The following PRKN variants were observed in gnomAD, a reference collection of about 807,000 sequenced individuals.
PRKN encodes the protein E3 ubiquitin-protein ligase parkin.
PRKN carries 56 observed loss-of-function variants against 59.5 expected under a neutral mutation model. The ratio of observed to expected loss-of-function variants is 0.94; its 90% CI spans 0.76 to 1.18. The LOEUF (loss-of-function observed/expected upper bound fraction) is 1.18. Among genes scored for constraint, PRKN ranks in the 50% most tolerant of loss-of-function variants. The pLI is 0.00. For missense variants in PRKN, 657 were observed against 596.4 expected (o/e 1.10, Z -1.06); for synonymous variants, 250 against 222.1 (o/e 1.13, Z -1.12).
At position 161,548,228 on chromosome 6, in the gene PRKN, T is replaced by A. The variant is rs1450676855; in HGVS notation, c.1083+626A>T. 6.6e-6 allele frequency among the ~76,000 whole-genome samples: 1 copy of A among 152,234 alleles called. No individual in the cohort carries two copies. Among genetic ancestry groups the A allele is most frequent in the Non-Finnish European group, 1.5e-5 (1 of 68,046 alleles). On this transcript the variant is annotated intron_variant, in intron 9 of 11. Transcript: ENST00000366898. This position sits in a 1 kb window ranked among gnomAD's most constrained non-coding sequence, Gnocchi z 4.2. ...CCTTTTTGTGTTTGAGTTATGCTTC[T>A]TCCCCCCTTGAGCCATCAGCTTGCA...
chr6:161,748,982 G>A lies in PRKN; in HGVS notation c.871+36790C>T, dbSNP rs1010912360. Among the ~76,000 whole-genome samples the A allele has an allele frequency of 2.6e-5, 4 of 152,186 alleles. 1 individual carries two copies. In the East Asian group the frequency reaches 5.8e-4, roughly 22 times the overall value. ...GCGAAACAAAACAAACCAACCCGCC[G>A]CCAGGGGGCAGCTGGGAAACATTTC... is the stretch of plus-strand genomic sequence containing the variant. On this transcript the variant is annotated intron_variant, in intron 7 of 11. Transcript: ENST00000366898.
chr6:162,074,223 A>G (rs985859681), intron 4 of PRKN, among the ~76,000 whole-genome samples: 43 of 135,734 alleles, frequency 3.2e-4, no homozygotes, highest in African/African-American at 1.2e-3. Context: ...AAAGACTTGG[A>G]ACCAACCCAA....
intron 2 of PRKN, among the ~76,000 whole-genome samples, chr6:162,337,729 C>T (rs1701544715): frequency 6.6e-6 from 1 of 152,012 alleles, no homozygotes; most frequent in African/African-American, 2.4e-5. Flanking sequence ...ATAACAGAAG[C>T]TAATCACTCG....
intron 4 of PRKN, among the ~76,000 whole-genome samples, chr6:162,112,203 T>A (rs1780468294): frequency 6.6e-6 from 1 of 152,174 alleles, no homozygotes; most frequent in South Asian, 2.1e-4. Flanking sequence ...ACATTAAAAA[T>A]CCATTTACAA....
chr6:162,294,412 G>A (rs372470010), intron 2 of PRKN, among the ~76,000 whole-genome samples: 1 of 152,188 alleles, frequency 6.6e-6, no homozygotes, highest in Non-Finnish European at 1.5e-5. Context: ...CAATGTCAAT[G>A]TCAGGCAGAG....
intron 4 of PRKN, among the ~76,000 whole-genome samples, chr6:162,135,807 AT>A (rs1444237159): frequency 2.6e-5 from 4 of 152,172 alleles, no homozygotes; most frequent in Non-Finnish European, 4.4e-5. Flanking sequence ...ATTACTGATC[AT>A]TTCTGATCAC....
At chr6:162,117,496 C>T (rs1490390713) in intron 4 of PRKN, among the ~76,000 whole-genome samples, 1 of 152,204 alleles carries the variant, frequency 6.6e-6, no homozygotes, top group African/African-American at 2.4e-5. Context: ...CAAGCCAAGT[C>T]TCCCTCAGCA....
intron 1 of PRKN, among the ~76,000 whole-genome samples, chr6:162,632,673 AAAAT>A (rs1388096310): frequency 2.0e-5 from 3 of 152,106 alleles, no homozygotes; most frequent in African/African-American, 4.8e-5. Context: ...ATAAATTAAA[AAAAT>A]AAATAAAAAG....
intron 5 of PRKN, among the ~76,000 whole-genome samples, chr6:162,009,944 A>T (rs570315713): frequency 2.0e-5 from 3 of 151,658 alleles, no homozygotes; most frequent in South Asian, 2.1e-4. Flanking sequence ...TCAAAAAAAA[A>T]TAAAGTCTTC....
At chr6:162,024,252 C>T (rs1783332021) in intron 5 of PRKN, among the ~76,000 whole-genome samples, 1 of 118,008 alleles carries the variant, frequency 8.5e-6, no homozygotes, top group Non-Finnish European at 1.6e-5. Context: ...GGCTAGAGTG[C>T]AATAGCACAA....
chr6:161,552,376 T>G lies in PRKN; in HGVS notation c.934-3373A>C, dbSNP rs1240799438. Among the ~76,000 whole-genome samples the G allele has an allele frequency of 6.8e-3, 800 of 118,262 alleles. 65 individuals carry two copies. The highest frequency in any genetic ancestry group is 0.022 in the African/African-American group (716 of 32,706). The allele number at this position is 118,262 out of a possible 152,430, so 77.6% of individuals were successfully genotyped here. The stretch of plus-strand genomic sequence containing the variant: ...CGGTGATCCTCCAAGCCCCTCTCCC[T>G]CAGCTCTGTTCACCTCCACCTATGA... On this transcript the variant is annotated intron_variant, in intron 8 of 11. Transcript: ENST00000366898. The surrounding 1 kb of genome is among the most constrained non-coding windows in gnomAD (Gnocchi z 4.9).
intron 1 of PRKN, among the ~76,000 whole-genome samples, chr6:162,480,429 G>T (rs1023743950): frequency 2.6e-5 from 4 of 152,144 alleles, no homozygotes; most frequent in Non-Finnish European, 5.9e-5. Flanking sequence ...AAATAGGGAG[G>T]AGAGGAAGAA....
chr6:161,462,624 G>GGGT lies in PRKN; in HGVS notation c.1084-75750_1084-75748dup, dbSNP rs1790275391. ...AAGGTCTACTTTGAATGTCTCCCCA[G>GGGT]GGTGATCATATTAAAAAAATCAAAA... On this transcript the variant is annotated intron_variant, in intron 9 of 11. Transcript: ENST00000366898. The surrounding 1 kb of genome is among the most constrained non-coding windows in gnomAD (Gnocchi z 4.5). Among the ~76,000 whole-genome samples the GGGT allele has an allele frequency of 1.3e-5, 2 of 152,054 alleles. No individual in the cohort carries two copies. Among genetic ancestry groups the GGGT allele is most frequent in the South Asian group, 4.1e-4 (2 of 4,826 alleles).
Position 162,403,101 on chromosome 6 carries a change from C to G in PRKN, c.171+40209G>C, listed in dbSNP as rs147503778. On this transcript the variant is annotated intron_variant, in intron 2 of 11. Coordinates refer to ENST00000366898, the MANE Select transcript of PRKN (RefSeq NM_004562.3). ...TATATCTTTTCCGCCTTGCTTTGTT[C>G]TCAACATAACTGGCCAACTTCTTCT... is the stretch of plus-strand genomic sequence containing the variant. 2.6e-5 allele frequency among the ~76,000 whole-genome samples: 4 copies of G among 152,316 alleles called. No individual in the cohort carries two copies. In the East Asian group the frequency reaches 7.7e-4, roughly 29 times the overall value.
intron 6 of PRKN, among the ~76,000 whole-genome samples, chr6:161,872,747 GT>G (rs1794394308): frequency 1.3e-5 from 2 of 152,064 alleles, no homozygotes; most frequent in Non-Finnish European, 1.5e-5. Context: ...CTGTAACGGA[GT>G]AAGAGCACCT....
intron 1 of PRKN, among the ~76,000 whole-genome samples, chr6:162,506,830 C>T (rs982829944): frequency 6.6e-6 from 1 of 152,094 alleles, no homozygotes; most frequent in African/African-American, 2.4e-5. Flanking sequence ...TGCCCTTAAG[C>T]GCATCACAGT....
rs576743460 is a variant in PRKN, at chr6:162,370,968, G to A, written c.171+72342C>T. ...CTTATGAGCCAAATGGGTGTTTTCC[G>A]TACATGGCTTCTTGTCCAGAATGCT... On this transcript the variant is annotated intron_variant, in intron 2 of 11. Transcript: ENST00000366898. Among the ~76,000 whole-genome samples, 6 of 152,264 alleles carry A rather than the reference G, an allele frequency of 3.9e-5. No individual in the cohort carries two copies. The East Asian group carries it at 7.7e-4, about 20-fold the overall frequency.
chr6:161,590,766 T>A lies in PRKN; in HGVS notation c.872-21350A>T, dbSNP rs117557451. 4.9e-3 allele frequency among the ~76,000 whole-genome samples: 727 copies of A among 148,736 alleles called. 6 individuals are homozygous for A. Among genetic ancestry groups the A allele is most frequent in the Middle Eastern group, 0.042 (12 of 288 alleles). On this transcript the variant is annotated intron_variant, in intron 7 of 11. Coordinates refer to ENST00000366898, the MANE Select transcript of PRKN (RefSeq NM_004562.3). The stretch of plus-strand genomic sequence containing the variant: ...AAAAAAAAAAATTGCATAACTTGAG[T>A]CTAAACAGGAGGAAACATTAGACAA...
rs994612379 is a variant in PRKN at position 161,746,551 on chromosome 6, A to AT, written c.871+39220dup. Among the ~76,000 whole-genome samples, 3 of 145,840 alleles carry AT rather than the reference A, an allele frequency of 2.1e-5. No homozygotes were observed. In the Admixed American group the frequency reaches 2.1e-4, roughly 10 times the overall value. ...ATAGTTGGGTAAGGTACATTTATCTATTTTTTTATATATATATATTTATAT... is the reference window on the plus strand; with the variant it reads ...ATAGTTGGGTAAGGTACATTTATCTATTTTTTTTATATATATATATTTATAT... On this transcript the variant is annotated intron_variant, in intron 7 of 11. Coordinates refer to ENST00000366898, the MANE Select transcript of PRKN (RefSeq NM_004562.3).
Sources: gnomAD v4.1 joint callset for allele counts (sites outside exome capture counted in the v4.1 genomes callset) on GRCh38, gnomAD v4.1.1 for gene constraint, Gnocchi (gnomAD v3.1) non-coding constraint, MANE v1.5 for transcripts, NCBI Gene and HGNC (gene_info 2026-07-23, HGNC 2026-07-21) for gene names.